The following FANK1 variants were observed in gnomAD, a reference collection of about 807,000 sequenced individuals.
The protein encoded by FANK1 is fibronectin type III and ankyrin repeat domains 1.
FANK1 carries 44 observed loss-of-function variants against 45.3 expected under a neutral mutation model. That is an observed-to-expected ratio of 0.97 (90% confidence interval 0.76 to 1.25). The LOEUF is 1.25. Ranked by LOEUF, FANK1 falls within the 50% of genes most tolerant of loss-of-function variation. The pLI, the probability that FANK1 is intolerant of heterozygous loss-of-function variation, is 0.00. For synonymous variants in FANK1, 149 were observed against 152.5 expected (o/e 0.98, Z 0.17); for missense variants, 391 against 424.4 (o/e 0.92, Z 0.69).
intron 7 of FANK1, among the ~76,000 whole-genome samples, chr10:126,005,848 A>G (rs1196252313): frequency 6.6e-6 from 1 of 152,252 alleles, no homozygotes; most frequent in Non-Finnish European, 1.5e-5. Context: ...CATATCAAGA[A>G]TAAAACATTT....
intron 1 of FANK1, among the ~76,000 whole-genome samples, chr10:125,974,028 C>CT (rs1950692504): frequency 6.6e-6 from 1 of 152,156 alleles, no homozygotes. Flanking sequence ...TAGGATTTTA[C>CT]TGTAGGAAAT....
In FANK1 at chr10:125,916,036, A is replaced by AT. The variant is rs79841342; in HGVS notation, c.13+19393dup. Among the ~76,000 whole-genome samples the AT allele has an allele frequency of 1.7e-3, 254 of 147,802 alleles. 1 individual carries two copies. The highest frequency in any genetic ancestry group is 8.1e-3 in the South Asian group (38 of 4,696). ...TGTGTAATATGAGAAAGTAATGAGAATTTTTTTTTTTTCTTTTCAGACGGA... is the reference window on the plus strand; with the variant it reads ...TGTGTAATATGAGAAAGTAATGAGAATTTTTTTTTTTTTCTTTTCAGACGGA... On this transcript the variant is annotated intron_variant, in intron 1 of 10. Coordinates refer to ENST00000368693, the MANE Select transcript of FANK1 (RefSeq NM_145235.5).
chr10:125,958,463 C>T (rs1949718640), intron 1 of FANK1, among the ~76,000 whole-genome samples: 1 of 152,172 alleles, frequency 6.6e-6, no homozygotes, highest in African/African-American at 2.4e-5. Flanking sequence ...GTCTCGAACT[C>T]CTGGTCTCAA....
chr10:125,977,784 G>C (rs73368679), intron 1 of FANK1, among the ~76,000 whole-genome samples: 2,006 of 152,260 alleles, frequency 0.013, 37 homozygotes, highest in African/African-American at 0.043. Flanking sequence ...GGGAGAGTGG[G>C]TGTGGGACCT....
intron 1 of FANK1, among the ~76,000 whole-genome samples, chr10:125,900,109 G>A (rs143317112): frequency 1.3e-5 from 2 of 152,384 alleles, no homozygotes; most frequent in South Asian, 4.1e-4. Flanking sequence ...GCAGAGGAAG[G>A]CAGGGGCTAC....
At chr10:125,947,806 T>C (rs1284652689) in intron 1 of FANK1, among the ~76,000 whole-genome samples, 4 of 127,618 alleles carry the variant, frequency 3.1e-5, no homozygotes, top group African/African-American at 1.1e-4. Flanking sequence ...ATCAACAGAA[T>C]ATACATTTTT....
chr10:125,980,348 G>A lies in FANK1; in HGVS notation c.191+10G>A, dbSNP rs1462346026. 6.2e-7 allele frequency: 1 copy of A among 1,602,766 alleles called. No homozygotes were observed. ...ATGGTATCATTTATACGTAGGTGCA[G>A]TGTTGAATTGCTTGCCACTTTGCCT... On this transcript the variant is annotated intron_variant, in intron 2 of 10. Transcript: ENST00000368693.
At chr10:125,964,186 CTTTTTT>C (rs71486557) in intron 1 of FANK1, among the ~76,000 whole-genome samples, 491 of 78,446 alleles carry the variant, frequency 6.3e-3, no homozygotes, top group African/African-American at 0.025. Flanking sequence ...TTCTCTCTCT[CTTTTTT>C]TTTTTTTTTT....
chr10:125,924,767 A>C (rs1251658491), intron 1 of FANK1, among the ~76,000 whole-genome samples: 1 of 148,478 alleles, frequency 6.7e-6, no homozygotes, highest in Admixed American at 6.8e-5. Context: ...AGATTTTGCT[A>C]CTGCACTCCA....
chr10:125,914,856 T>TTGACTTAGGTGCGGAGGGGA (rs906805798), intron 1 of FANK1, among the ~76,000 whole-genome samples: 53 of 151,750 alleles, frequency 3.5e-4, no homozygotes, highest in East Asian at 1.8e-3. Context: ...AACTCCCGGG[T>TTGACTTAGGTGCGGAGGGGA]TGACTTAGGT....
chr10:125,994,292 G>GT lies in FANK1; in HGVS notation c.317-1124dup, dbSNP rs148505287. 1,397 of 649,344 alleles carry GT rather than the reference G, an allele frequency of 2.2e-3. 17 individuals carry two copies. In the African/African-American group the frequency reaches 0.023, roughly 10 times the overall value. 40.2% of individuals were successfully genotyped at this position (649,344 alleles called of 1,614,324 possible). A position where few individuals can be genotyped will look rare whatever the true frequency, so the allele number is the denominator to read the frequency against. ...ACAGGCTGAAAGCAGGCACTACAGT[G>GT]TAAGTGAGCATGGGAACTAATGGTT... On this transcript the variant is annotated intron_variant, in intron 3 of 10. Transcript: ENST00000368693.
In FANK1 at chr10:125,918,585, A is replaced by AATATATATATATATAT. The variant is rs1197525883; in HGVS notation, c.13+21938_13+21953dup. On this transcript the variant is annotated intron_variant, in intron 1 of 10. Transcript: ENST00000368693. ...AAAAAAAAAAAAAAAAAAAAAAAAA[A>AATATATATATATATAT]ATATATATATATATATATATATAGT... Among the ~76,000 whole-genome samples, 49 of 70,956 alleles carry AATATATATATATATAT rather than the reference A, an allele frequency of 6.9e-4. 1 individual carries two copies. Among genetic ancestry groups the AATATATATATATATAT allele is most frequent in the African/African-American group, 3.0e-3 (38 of 12,582 alleles). 46.5% of individuals were successfully genotyped at this position (70,956 alleles called of 152,430 possible).
At chr10:125,914,959 G>A (rs1013034523) in intron 1 of FANK1, among the ~76,000 whole-genome samples, 3 of 152,174 alleles carry the variant, frequency 2.0e-5, no homozygotes, top group Admixed American at 2.0e-4. Flanking sequence ...CAGGCAGAAA[G>A]CACTTGACAA....
chr10:125,936,432 CAAA>C lies in FANK1; in HGVS notation c.13+39798_13+39800del, dbSNP rs11405392. Among the ~76,000 whole-genome samples the C allele has an allele frequency of 7.0e-3, 812 of 115,214 alleles. 30 individuals carry two copies. The highest frequency in any genetic ancestry group is 0.052 in the Admixed American group (576 of 11,008). 75.6% of individuals were successfully genotyped at this position (115,214 alleles called of 152,430 possible). On this transcript the variant is annotated intron_variant, in intron 1 of 10. Coordinates refer to ENST00000368693, the MANE Select transcript of FANK1 (RefSeq NM_145235.5). ...AACCCACTGGAGCGAGATGCTGTCT[CAAA>C]AAAAAAAAAAAAAAAAAAAATTGCC...
intron 1 of FANK1, among the ~76,000 whole-genome samples, chr10:125,954,381 T>A (rs1949442717): frequency 6.6e-6 from 1 of 152,210 alleles, no homozygotes; most frequent in Non-Finnish European, 1.5e-5. Context: ...TTCTTTTGTA[T>A]CTAACAGATT....
intron 1 of FANK1, among the ~76,000 whole-genome samples, chr10:125,935,418 A>T (rs1484624023): frequency 6.6e-6 from 1 of 152,148 alleles, no homozygotes; most frequent in Non-Finnish European, 1.5e-5. Context: ...TTTGTCTCTT[A>T]CTTCCTAGTT....
At chr10:125,938,189 A>G (rs774931049) in intron 1 of FANK1, among the ~76,000 whole-genome samples, 2 of 152,224 alleles carry the variant, frequency 1.3e-5, no homozygotes, top group Non-Finnish European at 2.9e-5. Flanking sequence ...ATGCTTTTGG[A>G]AAACAGGATT....
intron 1 of FANK1, among the ~76,000 whole-genome samples, chr10:125,917,740 A>G (rs1250793089): frequency 1.9e-4 from 29 of 152,414 alleles, no homozygotes; most frequent in African/African-American, 6.7e-4. Context: ...TCCCTTACAT[A>G]TGATTCCACT....
intron 1 of FANK1, among the ~76,000 whole-genome samples, chr10:125,930,174 C>A (rs950782765): frequency 9.4e-4 from 143 of 152,106 alleles, no homozygotes; most frequent in East Asian, 3.9e-4. Flanking sequence ...CCTGCCTCAG[C>A]CTCCTGAATA....
Sources: allele counts gnomAD v4.1 joint callset (sites outside exome capture counted in the v4.1 genomes callset), GRCh38; gene constraint gnomAD v4.1.1; transcripts MANE v1.5; gene names NCBI Gene and HGNC (gene_info 2026-07-23, HGNC 2026-07-21).